C22orf23: variants seen among roughly 807,000 people sequenced by gnomAD.
The protein encoded by C22orf23 is chromosome 22 open reading frame 23, also known as UPF0193 protein EVG1.
A neutral mutation model predicts 29.7 loss-of-function variants in C22orf23; 30 were observed. That is an observed-to-expected ratio of 1.01 (90% CI 0.76 to 1.37). C22orf23 has a LOEUF of 1.37. Among genes scored for constraint, C22orf23 ranks in the 40% most tolerant of loss-of-function variants. C22orf23 has a pLI of 0.00. For synonymous variants in C22orf23, 90 were observed against 96.1 expected, an observed-to-expected ratio of 0.94 and a Z score of 0.37; for missense variants, 237 against 273.1, an observed-to-expected ratio of 0.87 and a Z score of 0.93.
In C22orf23 at chr22:37,947,438, G is replaced by A; in HGVS notation, c.192C>T (p.Cys64=). ...MKRGDALPLQ[C]SPTSSQRVLP... is the part of the protein sequence containing the mutation. ...AGACTCTCTGGCTGGATGTTGGGCT[G>A]CACTGTAGGGGCAAAGCATCTCCTC... Residue 64 remains cysteine, a synonymous_variant, in exon 4 of 7, where the codon TGC becomes TGT. Coordinates refer to ENST00000403305, the MANE Select transcript of C22orf23 (RefSeq NM_032561.5). The A allele has an allele frequency of 6.2e-7, 1 of 1,604,640 alleles. No individual in the cohort carries two copies.
intron 5 of C22orf23, 33 bp from the exon 6 acceptor site, chr22:37,944,550 G>A: frequency 6.3e-7 from 1 of 1,577,098 alleles, no homozygotes; most frequent in Non-Finnish European, 8.7e-7. Context: ...AGGTTCCCAT[G>A]AGGGATGCAG....
intron 5 of C22orf23, 101 bp from the exon 6 acceptor site, chr22:37,944,618 A>C (rs976864364): frequency 3.6e-5 from 39 of 1,076,304 alleles, no homozygotes; most frequent in Middle Eastern, 3.0e-4. Context: ...TAGTGTTTCT[A>C]GGCCGGGCGC....
At chr22:37,946,506 T>TTCTG (rs1374997687) in intron 4 of C22orf23, among the ~76,000 whole-genome samples, 1 of 148,576 alleles carries the variant, frequency 6.7e-6, no homozygotes, top group Non-Finnish European at 1.5e-5. Flanking sequence ...AGCTCAGGAG[T>TTCTG]TCTGGCTGCA....
At position 37,944,447 on chromosome 22, in the gene C22orf23, G is replaced by C. The variant is rs144374953; in HGVS notation, c.552C>G (p.Tyr184Ter). 6.2e-7 allele frequency: 1 copy of C among 1,614,108 alleles called. No homozygotes were observed. The highest frequency in any genetic ancestry group is 2.2e-5 in the East Asian group (1 of 44,886). Residue 184 changes from tyrosine (Y) to a stop codon, truncating the protein, a stop_gained, in exon 6 of 7, where the codon TAC becomes TAG. Transcript: ENST00000403305. LOFTEE classifies it high-confidence loss of function. ...AGATTTCAGCAAGGATGATTCCTCG[G>C]TACTGTTTGCCCTGTCCCAGGGCCT... Reference protein sequence around the residue: ...DMEALGQGKQYRGIILAEISQ... With the variant: ...DMEALGQGKQ
At chr22:37,947,980 G>T (rs1930802853) in intron 3 of C22orf23, among the ~76,000 whole-genome samples, 1 of 151,952 alleles carries the variant, frequency 6.6e-6, no homozygotes, top group Non-Finnish European at 1.5e-5. Flanking sequence ...GGTGGCGGGT[G>T]CCTATAGTCC....
intron 5 of C22orf23, chr22:37,944,808 A>G: frequency 1.7e-6 from 1 of 577,370 alleles, no homozygotes; most frequent in East Asian, 3.0e-5. Context: ...CTGAGGCAGG[A>G]GGGATTGCTT....
intron 3 of C22orf23, among the ~76,000 whole-genome samples, chr22:37,950,025 C>CT: frequency 6.6e-6 from 1 of 152,006 alleles, no homozygotes; most frequent in Non-Finnish European, 1.5e-5. Flanking sequence ...GTCTTGAACT[C>CT]TTGGGCTCAA....
At chr22:37,946,057 G>A (rs914533160) in intron 4 of C22orf23, among the ~76,000 whole-genome samples, 1 of 151,934 alleles carries the variant, frequency 6.6e-6, no homozygotes, top group African/African-American at 2.4e-5. Context: ...AGGAGATCAA[G>A]ACCATCCTGG....
intron 4 of C22orf23, among the ~76,000 whole-genome samples, chr22:37,946,969 A>T (rs1930735740): frequency 6.6e-6 from 1 of 151,772 alleles, no homozygotes; most frequent in African/African-American, 2.4e-5. Flanking sequence ...TGTAGTGGCA[A>T]CTTATGTATA....
chr22:37,948,495 C>T (rs1930833512), intron 3 of C22orf23, among the ~76,000 whole-genome samples: 1 of 151,920 alleles, frequency 6.6e-6, no homozygotes, highest in Non-Finnish European at 1.5e-5. Flanking sequence ...GTGATGCAGG[C>T]CTGTAATCCT....
intron 5 of C22orf23, 87 bp from the exon 6 acceptor site, chr22:37,944,604 C>T: frequency 8.3e-7 from 1 of 1,209,870 alleles, no homozygotes; most frequent in East Asian, 2.4e-5. Context: ...GTTCTATTGT[C>T]AAATAGTGTT....
At chr22:37,945,196 C>A (rs1217537866) in intron 4 of C22orf23, 23 bp from the exon 5 acceptor site, 3 of 1,601,956 alleles carry the variant, frequency 1.9e-6, no homozygotes, top group African/African-American at 2.7e-5. Context: ...AAAGAAATGG[C>A]CTAGTTAGGC....
At chr22:37,950,924 A>G (rs900323527) in intron 3 of C22orf23, 2 of 138,536 alleles carry the variant, frequency 1.4e-5, no homozygotes, top group African/African-American at 2.7e-5. Context: ...AACAAAACAA[A>G]AAAGTTGGCC....
At position 37,946,975 on chromosome 22, in the gene C22orf23, G is replaced by A. The variant is rs529899187; in HGVS notation, c.349+306C>T. 4.6e-5 allele frequency among the ~76,000 whole-genome samples: 7 copies of A among 151,452 alleles called. No individual in the cohort carries two copies. In the East Asian group the frequency reaches 1.2e-3, roughly 25 times the overall value. Reference sequence around the variant, plus strand: ...GGCGATGCCTGTAGTGGCAACTTATGTATAGGGGCTGCAGGGAGAGGTTAG... The same window carrying A: ...GGCGATGCCTGTAGTGGCAACTTATATATAGGGGCTGCAGGGAGAGGTTAG... On this transcript the variant is annotated intron_variant, in intron 4 of 6. Transcript: ENST00000403305.
intron 3 of C22orf23, chr22:37,951,236 A>T: frequency 2.2e-6 from 1 of 457,508 alleles, no homozygotes; most frequent in Non-Finnish European, 3.9e-6. Context: ...TTTTGTGGAG[A>T]TGAGGTCTTG....
Position 37,944,128 on chromosome 22 carries a change from A to G in C22orf23, c.*47T>C, listed in dbSNP as rs1930547408. On this transcript the variant is annotated 3_prime_UTR_variant, in exon 7 of 7. Transcript: ENST00000403305. ...ATGGCCCTGCCTGGCAGAGGAGTGG[A>G]CTCCAGTGGTCGAGCTTGGGCTACC... The G allele has an allele frequency of 1.3e-6, 2 of 1,550,358 alleles. No individual in the cohort carries two copies. The highest frequency in any genetic ancestry group is 2.7e-5 in the African/African-American group (2 of 73,682).
rs1387421588 is a variant in C22orf23, at chr22:37,951,490, G to T, written c.136C>A (p.Gln46Lys). The stretch of plus-strand genomic sequence containing the variant: ...ATGATGTCCATGATGTGGCGCTGCT[G>T]GATGTTCGTCAGTTTGGATTCCTTC... ...MMKESKLTNI[Q>K]QRHIMDIMKR... Residue 46 changes from glutamine (Q) to lysine (K), a missense_variant, in exon 3 of 7, where the codon CAG becomes AAG. Physicochemically the swap from Gln to Lys is moderately conservative, Grantham distance 53 (BLOSUM62 1). Transcript: ENST00000403305. The T allele has an allele frequency of 6.2e-7, 1 of 1,613,906 alleles. No individual in the cohort carries two copies. The highest frequency in any genetic ancestry group is 8.5e-7 in the Non-Finnish European group (1 of 1,179,986).
intron 4 of C22orf23, among the ~76,000 whole-genome samples, chr22:37,945,763 C>T (rs1163934933): frequency 7.1e-6 from 1 of 140,484 alleles, no homozygotes; most frequent in Non-Finnish European, 1.5e-5. Context: ...TCCCAAAGTG[C>T]TGGAATTACA....
chr22:37,948,519 G>C (rs1436467659), intron 3 of C22orf23, among the ~76,000 whole-genome samples: 1 of 152,038 alleles, frequency 6.6e-6, no homozygotes, highest in East Asian at 1.9e-4. Context: ...TACTGGGAAG[G>C]CTGAGGCAGG....
Sources: gnomAD v4.1 joint callset for allele counts (sites outside exome capture counted in the v4.1 genomes callset) on GRCh38, gnomAD v4.1.1 for gene constraint, MANE v1.5 for transcripts, NCBI Gene and HGNC (gene_info 2026-07-23, HGNC 2026-07-21) for gene names.